GSE1: variants seen among roughly 807,000 people sequenced by gnomAD.
The protein encoded by GSE1 is Gse1 coiled-coil protein.
GSE1 carries 32 observed loss-of-function variants against 112.6 expected under a neutral mutation model. The ratio of observed to expected loss-of-function variants is 0.28; its 90% confidence interval spans 0.21 to 0.38. The LOEUF is 0.38. GSE1 is among the 10% of genes least tolerant of loss of function. The pLI is 1.00. For missense variants in GSE1, 2,348 were observed against 1,699.2 expected, an observed-to-expected ratio of 1.38 and a Z score of -6.71; for synonymous variants, 1,115 against 735.6, an observed-to-expected ratio of 1.52 and a Z score of -8.35.
chr16:85,472,053 CG>C (rs2050311634), intron 2 of GSE1, among the ~76,000 whole-genome samples: 1 of 152,212 alleles, frequency 6.6e-6, no homozygotes, highest in African/African-American at 2.4e-5. Flanking sequence ...CCTCTGCTCA[CG>C]AGATACCAGT....
At chr16:85,530,597 C>T (rs1299467439) in intron 2 of GSE1, among the ~76,000 whole-genome samples, 3 of 152,168 alleles carry the variant, frequency 2.0e-5, no homozygotes, top group African/African-American at 7.2e-5. Flanking sequence ...ATGCCTGCGA[C>T]CCACTCCATG....
intron 2 of GSE1, among the ~76,000 whole-genome samples, chr16:85,408,544 A>T (rs1157535342): frequency 6.0e-5 from 2 of 33,240 alleles, no homozygotes; most frequent in Admixed American, 2.5e-4. Flanking sequence ...TCACTGTTAC[A>T]CTCAGGGCCC....
intron 1 of GSE1, among the ~76,000 whole-genome samples, chr16:85,346,564 C>CG (rs1321714311): frequency 1.8e-5 from 2 of 110,744 alleles, no homozygotes; most frequent in Admixed American, 1.8e-4. Flanking sequence ...GATGGACAGG[C>CG]GGATGGTGGA....
Position 85,666,066 on chromosome 16 carries a change from G to C in GSE1, c.2849G>C (p.Gly950Ala), listed in dbSNP as rs764339413. 6.2e-7 allele frequency: 1 copy of C among 1,613,440 alleles called. No individual in the cohort carries two copies. The highest frequency in any genetic ancestry group is 8.5e-7 in the Non-Finnish European group (1 of 1,180,004). The change falls in exon 13 of 16, where the codon GGG becomes GCG. Residue 950 changes from glycine (G) to alanine (A), a missense_variant. By Grantham distance (60) the Gly-to-Ala change is moderately conservative. Transcript: ENST00000253458. ...GACATCCCAAAGGCCGCGGAGCCTG[G>C]GAAGCTGGAACAGGTCCGGCCCCAG... The part of the protein sequence containing the change: ...LSDIPKAAEP[G>A]KLEQVRPQEL...
chr16:85,568,336 C>T (rs2045844857), intron 1 of GSE1, among the ~76,000 whole-genome samples: 2 of 152,160 alleles, frequency 1.3e-5, no homozygotes, highest in Admixed American at 1.3e-4. Flanking sequence ...GTCATGGCGG[C>T]CCCCAATTTC....
chr16:85,179,386 T>C (rs2074535112), intron 1 of GSE1, among the ~76,000 whole-genome samples: 1 of 152,246 alleles, frequency 6.6e-6, no homozygotes, highest in African/African-American at 2.4e-5. Context: ...GACCACGTTC[T>C]GTGTCCCCAA....
intron 2 of GSE1, among the ~76,000 whole-genome samples, chr16:85,536,138 A>C (rs2044319436): frequency 6.6e-6 from 1 of 152,240 alleles, no homozygotes; most frequent in South Asian, 2.1e-4. Flanking sequence ...AGGGAGGCCC[A>C]GCCACCTCTA....
At chr16:85,298,017 T>G (rs1272328938) in intron 1 of GSE1, among the ~76,000 whole-genome samples, 1 of 152,194 alleles carries the variant, frequency 6.6e-6, no homozygotes, top group Non-Finnish European at 1.5e-5. Flanking sequence ...GTGAAGACAG[T>G]TGGAACAGAT....
chr16:85,430,240 G>C (rs765832600), intron 2 of GSE1, among the ~76,000 whole-genome samples: 4 of 152,228 alleles, frequency 2.6e-5, no homozygotes, highest in Admixed American at 2.0e-4. Flanking sequence ...GAAACAGATA[G>C]AATGCAGTGA....
At chr16:85,424,129 C>G (rs1450483899) in intron 2 of GSE1, among the ~76,000 whole-genome samples, 1 of 152,248 alleles carries the variant, frequency 6.6e-6, no homozygotes, top group Non-Finnish European at 1.5e-5. Context: ...CTTGAAGGAA[C>G]CAGAAAGAAA....
chr16:85,342,952 G>A (rs1475865666), intron 1 of GSE1, among the ~76,000 whole-genome samples: 1 of 151,894 alleles, frequency 6.6e-6, no homozygotes, highest in East Asian at 2.0e-4. Flanking sequence ...GAGAAAGCCG[G>A]GCACAGGCTC....
intron 1 of GSE1, among the ~76,000 whole-genome samples, chr16:85,258,499 C>G (rs1907317165): frequency 6.6e-6 from 1 of 152,202 alleles, no homozygotes; most frequent in Non-Finnish European, 1.5e-5. Context: ...GCTCAGCCCT[C>G]TTGCATCCTG....
At chr16:85,536,903 G>A (rs922975044) in intron 2 of GSE1, among the ~76,000 whole-genome samples, 15 of 152,226 alleles carry the variant, frequency 9.9e-5, no homozygotes, top group East Asian at 5.8e-4. Flanking sequence ...GAATGGAACC[G>A]GCGAGGAATG....
At chr16:85,247,105 C>T (rs982939673) in intron 1 of GSE1, among the ~76,000 whole-genome samples, 3 of 152,090 alleles carry the variant, frequency 2.0e-5, no homozygotes, top group African/African-American at 4.8e-5. Flanking sequence ...TTTCCTTGAC[C>T]GCCTCTGGTA....
chr16:85,516,536 T>C (rs1225251668), intron 2 of GSE1, among the ~76,000 whole-genome samples: 1 of 138,856 alleles, frequency 7.2e-6, no homozygotes, highest in Non-Finnish European at 1.5e-5. Flanking sequence ...CACTGAGACA[T>C]GATGGCACCA....
chr16:85,255,646 GC>G (rs1906996490), intron 1 of GSE1, among the ~76,000 whole-genome samples: 2 of 151,850 alleles, frequency 1.3e-5, no homozygotes, highest in South Asian at 4.2e-4. Flanking sequence ...CTCGTGATCT[GC>G]CTGCCTTGGC....
At chr16:85,348,199 A>G (rs1440408849) in intron 1 of GSE1, among the ~76,000 whole-genome samples, 1 of 151,786 alleles carries the variant, frequency 6.6e-6, no homozygotes, top group African/African-American at 2.4e-5. Context: ...CTATCTGTCC[A>G]TCATCTGTCC....
At position 85,661,534 on chromosome 16, in the gene GSE1, G is replaced by A; in HGVS notation, c.2029G>A (p.Glu677Lys). Reference sequence around the variant, plus strand: ...GCCCGGGCCCGGGCCCTTCCTGGCTGAGCTCGAGAAGTCCACCCAGACCAT... The same window carrying A: ...GCCCGGGCCCGGGCCCTTCCTGGCTAAGCTCGAGAAGTCCACCCAGACCAT... The part of the protein sequence containing the change: ...FLPGPGPFLA[E>K]LEKSTQTILG... Residue 677 changes from glutamate (E) to lysine (K), a missense_variant, in exon 9 of 16, where the codon GAG (glutamate) becomes AAG (lysine). Transcript: ENST00000253458. 6.2e-7 allele frequency: 1 copy of A among 1,611,972 alleles called. No individual in the cohort carries two copies. The highest frequency in any genetic ancestry group is 8.5e-7 in the Non-Finnish European group (1 of 1,179,712).
intron 2 of GSE1, among the ~76,000 whole-genome samples, chr16:85,496,738 C>T (rs534215421): frequency 2.6e-5 from 4 of 152,176 alleles, no homozygotes; most frequent in East Asian, 1.9e-4. Flanking sequence ...CGGGGGTGCA[C>T]GAGAGGGAGG....
Sources: allele counts gnomAD v4.1 joint callset (sites outside exome capture counted in the v4.1 genomes callset), GRCh38; gene constraint gnomAD v4.1.1; transcripts MANE v1.5; gene names NCBI Gene and HGNC (gene_info 2026-07-23, HGNC 2026-07-21).